The following ARHGAP26 variants were observed in gnomAD, a reference collection of about 807,000 sequenced individuals.
The protein encoded by ARHGAP26 is Rho GTPase activating protein 26, also known as rho GTPase-activating protein 26.
ARHGAP26 carries 38 observed loss-of-function variants against 104.8 expected under a neutral mutation model. The observed-to-expected ratio is 0.36, with a 90% CI of 0.28 to 0.48. The LOEUF is 0.48. Among genes scored for constraint, ARHGAP26 ranks in the 20% least tolerant of loss-of-function variants. The probability of loss-of-function intolerance (pLI) is 0.99; values close to 1 mark genes in which losing one functional copy is unlikely to be tolerated. For missense variants in ARHGAP26, 704 were observed against 947.9 expected, an observed-to-expected ratio of 0.74 and a Z score of 3.38; for synonymous variants, 341 against 340.0, an observed-to-expected ratio of 1.00 and a Z score of -0.03.
intron 1 of ARHGAP26, among the ~76,000 whole-genome samples, chr5:142,802,066 T>A (rs1762175255): frequency 6.6e-6 from 1 of 152,170 alleles, no homozygotes; most frequent in African/African-American, 2.4e-5. Context: ...AGAGTTGAGA[T>A]GAGAGAAACT....
chr5:142,813,831 A>G (rs371577138), intron 1 of ARHGAP26, among the ~76,000 whole-genome samples: 2 of 151,190 alleles, frequency 1.3e-5, no homozygotes, highest in African/African-American at 4.9e-5. Context: ...TAGGAATTTT[A>G]GGGGCCTCAA....
At chr5:143,141,660 C>T (rs983647381) in intron 19 of ARHGAP26, among the ~76,000 whole-genome samples, 3 of 152,102 alleles carry the variant, frequency 2.0e-5, no homozygotes, top group Non-Finnish European at 4.4e-5. Context: ...GAATATAAGC[C>T]GTCTGTACGT....
At chr5:142,798,753 T>C (rs558456614) in intron 1 of ARHGAP26, among the ~76,000 whole-genome samples, 1 of 152,282 alleles carries the variant, frequency 6.6e-6, no homozygotes, top group Non-Finnish European at 1.5e-5. Flanking sequence ...TATATATCCC[T>C]CCCCTCTTCC....
rs3059587 is a variant in ARHGAP26, at chr5:142,791,082, G to GTTTT, written c.154+20179_154+20182dup. Among the ~76,000 whole-genome samples the GTTTT allele has an allele frequency of 7.4e-3, 1,057 of 142,860 alleles. 22 individuals carry two copies. Among genetic ancestry groups the GTTTT allele is most frequent in the East Asian group, 0.051 (250 of 4,928 alleles). The allele number at this position is 142,860 out of a possible 152,430, so 93.7% of individuals were successfully genotyped here. ...TCCTTAGGGTTTATTTTGCTTTAAA[G>GTTTT]TTTTTTTTTTTTTTTGAGACAGAGT... On this transcript the variant is annotated intron_variant, in intron 1 of 22. Coordinates refer to ENST00000645722, the MANE Select transcript of ARHGAP26 (RefSeq NM_001135608.3).
intron 17 of ARHGAP26, among the ~76,000 whole-genome samples, chr5:143,114,445 T>C (rs994561441): frequency 6.6e-6 from 1 of 152,188 alleles, no homozygotes; most frequent in Admixed American, 6.5e-5. Context: ...TCCTCTGTTA[T>C]ATACTAAGGA....
chr5:142,919,906 CAGA>C (rs528019841), intron 10 of ARHGAP26, among the ~76,000 whole-genome samples: 277 of 152,202 alleles, frequency 1.8e-3, no homozygotes, highest in African/African-American at 6.6e-3. Context: ...GAGGCTGAGG[CAGA>C]AGAATTTGCT....
intron 12 of ARHGAP26, among the ~76,000 whole-genome samples, chr5:143,021,448 A>C (rs1441944483): frequency 1.3e-5 from 2 of 152,204 alleles, no homozygotes; most frequent in Non-Finnish European, 2.9e-5. Context: ...TAGCTTCAAA[A>C]GTTATTAATT....
At chr5:142,901,253 T>A (rs1000549343) in intron 6 of ARHGAP26, among the ~76,000 whole-genome samples, 1 of 152,176 alleles carries the variant, frequency 6.6e-6, no homozygotes, top group Non-Finnish European at 1.5e-5. Flanking sequence ...AAGACAAGAC[T>A]AAACAATGAA....
At chr5:142,875,068 C>G (rs1755889406) in intron 2 of ARHGAP26, 42 bp from the exon 3 acceptor site, 1 of 1,570,874 alleles carries the variant, frequency 6.4e-7, no homozygotes, top group Middle Eastern at 1.8e-4. Context: ...CCCCAAGGCC[C>G]ATGACACTCC....
intron 11 of ARHGAP26, among the ~76,000 whole-genome samples, chr5:142,962,860 A>G (rs1770489372): frequency 6.6e-6 from 1 of 151,928 alleles, no homozygotes; most frequent in Non-Finnish European, 1.5e-5. Flanking sequence ...AGGTAAACTC[A>G]TGTCATGGGA....
intron 12 of ARHGAP26, among the ~76,000 whole-genome samples, chr5:143,019,100 C>T (rs566528272): frequency 9.2e-5 from 14 of 152,270 alleles, no homozygotes; most frequent in African/African-American, 2.9e-4. Context: ...TTTGCCAGCC[C>T]TGCTACCCAT....
intron 1 of ARHGAP26, among the ~76,000 whole-genome samples, chr5:142,840,741 A>G (rs1391704848): frequency 6.6e-6 from 1 of 152,184 alleles, no homozygotes; most frequent in Non-Finnish European, 1.5e-5. Context: ...TCCACCCAGA[A>G]GCTGAGATGA....
At chr5:142,776,019 T>C (rs1756250305) in intron 1 of ARHGAP26, among the ~76,000 whole-genome samples, 1 of 152,244 alleles carries the variant, frequency 6.6e-6, no homozygotes, top group Non-Finnish European at 1.5e-5. Flanking sequence ...TATTTATTCC[T>C]TTCAAAGCAG....
At chr5:142,982,084 T>C (rs901211316) in intron 11 of ARHGAP26, among the ~76,000 whole-genome samples, 1 of 152,244 alleles carries the variant, frequency 6.6e-6, no homozygotes, top group East Asian at 1.9e-4. Flanking sequence ...TTTTGAAGGC[T>C]GAAAAGCCCT....
chr5:143,044,216 A>C (rs1783893449), intron 14 of ARHGAP26, among the ~76,000 whole-genome samples: 1 of 152,228 alleles, frequency 6.6e-6, no homozygotes. Context: ...CTATTTGCTC[A>C]TATAACTGGT....
intron 17 of ARHGAP26, among the ~76,000 whole-genome samples, chr5:143,062,948 G>A (rs1786945194): frequency 6.6e-6 from 1 of 152,158 alleles, no homozygotes; most frequent in Non-Finnish European, 1.5e-5. Flanking sequence ...CACATTTAAA[G>A]AAAACAGTAT....
chr5:142,837,037 C>A (rs538099883), intron 1 of ARHGAP26, among the ~76,000 whole-genome samples: 1 of 152,160 alleles, frequency 6.6e-6, no homozygotes, highest in African/African-American at 2.4e-5. Flanking sequence ...TCTCGCAGAA[C>A]GCATTTGGAA....
intron 11 of ARHGAP26, among the ~76,000 whole-genome samples, chr5:142,958,124 G>C (rs1490292430): frequency 6.6e-6 from 1 of 152,092 alleles, no homozygotes; most frequent in Admixed American, 6.5e-5. Context: ...AGCATTTTTT[G>C]GGCTTTAAGT....
At chr5:143,046,136 A>C (rs1216381156) in intron 14 of ARHGAP26, among the ~76,000 whole-genome samples, 4 of 151,766 alleles carry the variant, frequency 2.6e-5, no homozygotes, top group African/African-American at 9.7e-5. Context: ...CTCCATCCCC[A>C]AAAATAAAAA....
Sources: allele counts gnomAD v4.1 joint callset (sites outside exome capture counted in the v4.1 genomes callset), GRCh38; gene constraint gnomAD v4.1.1; transcripts MANE v1.5; gene names NCBI Gene and HGNC (gene_info 2026-07-23, HGNC 2026-07-21).